Variants in ABCA13 observed in about 807,000 individuals in gnomAD.
The protein encoded by ABCA13 is ATP binding cassette subfamily A member 13.
A neutral mutation model predicts 478.7 loss-of-function variants in ABCA13; 476 were observed. The observed-to-expected ratio is 0.99, with a 90% CI of 0.92 to 1.07. The LOEUF is 1.07. Among genes scored for constraint, ABCA13 ranks in the 50% least tolerant of loss-of-function variants. The pLI is 0.00. For synonymous variants in ABCA13, 2,252 were observed against 2,158.9 expected, an observed-to-expected ratio of 1.04 and a Z score of -1.20; for missense variants, 6,060 against 5,910.6, an observed-to-expected ratio of 1.03 and a Z score of -0.83.
At chr7:48,228,840 C>T (rs1021384772) in intron 6 of ABCA13, among the ~76,000 whole-genome samples, 1 of 152,152 alleles carries the variant, frequency 6.6e-6, no homozygotes, top group African/African-American at 2.4e-5. Context: ...ACTGTGTTAG[C>T]AGTGAACAAC....
intron 39 of ABCA13, among the ~76,000 whole-genome samples, chr7:48,407,772 A>G (rs957236501): frequency 3.3e-5 from 5 of 151,718 alleles, no homozygotes; most frequent in Non-Finnish European, 7.4e-5. Context: ...TGGCCAGGCT[A>G]CTCTCTAACT....
chr7:48,299,895 T>C (rs894147591), intron 23 of ABCA13, among the ~76,000 whole-genome samples: 2 of 152,194 alleles, frequency 1.3e-5, no homozygotes, highest in African/African-American at 4.8e-5. Context: ...TTTCTCTACC[T>C]CTTTGTCAGT....
intron 59 of ABCA13, among the ~76,000 whole-genome samples, chr7:48,622,768 T>G (rs1189764838): frequency 6.6e-6 from 1 of 152,220 alleles, no homozygotes; most frequent in Admixed American, 6.5e-5. Flanking sequence ...GTAAGTGCTT[T>G]ATACACATGA....
At chr7:48,244,176 T>C (rs905532512) in intron 10 of ABCA13, among the ~76,000 whole-genome samples, 3 of 152,200 alleles carry the variant, frequency 2.0e-5, no homozygotes, top group African/African-American at 7.2e-5. Flanking sequence ...ACCACTGCGA[T>C]GGGTCCTGTA....
chr7:48,313,991 G>A (rs2885300), intron 25 of ABCA13, among the ~76,000 whole-genome samples: 20,296 of 151,716 alleles, frequency 0.13, 2,138 homozygotes, highest in African/African-American at 0.29. Context: ...GTATGTGTGT[G>A]TGTGTGTGTG....
At chr7:48,308,825 G>C (rs948158939) in intron 23 of ABCA13, among the ~76,000 whole-genome samples, 5 of 150,894 alleles carry the variant, frequency 3.3e-5, no homozygotes, top group African/African-American at 9.8e-5. Context: ...ACTTACCACT[G>C]TGTGACAACT....
chr7:48,560,220 G>A (rs79318096), intron 55 of ABCA13, among the ~76,000 whole-genome samples: 4,177 of 152,276 alleles, frequency 0.027, 77 homozygotes, highest in East Asian at 0.078. Flanking sequence ...CTCCCCTCCA[G>A]CTAGGGCTGG....
intron 38 of ABCA13, among the ~76,000 whole-genome samples, chr7:48,398,786 G>A (rs2129066794): frequency 6.6e-6 from 1 of 152,296 alleles, no homozygotes; most frequent in South Asian, 2.1e-4. Context: ...GAGGGCATAA[G>A]TGAAGGAAGA....
intron 38 of ABCA13, among the ~76,000 whole-genome samples, chr7:48,393,616 G>T (rs11773079): frequency 6.6e-6 from 1 of 152,148 alleles, no homozygotes; most frequent in African/African-American, 2.4e-5. Flanking sequence ...GTGTTGTTTT[G>T]TATGGTGTAA....
At chr7:48,510,462 C>T (rs1011822426) in intron 50 of ABCA13, among the ~76,000 whole-genome samples, 37 of 152,130 alleles carry the variant, frequency 2.4e-4, no homozygotes, top group African/African-American at 8.5e-4. Context: ...GGAGCCTGTC[C>T]TTGGTTCTAC....
At chr7:48,260,118 G>A (rs1192410224) in intron 15 of ABCA13, among the ~76,000 whole-genome samples, 1 of 151,960 alleles carries the variant, frequency 6.6e-6, no homozygotes, top group Non-Finnish European at 1.5e-5. Flanking sequence ...TGTCATTTCA[G>A]CCATTTCAGC....
Position 48,346,820 on chromosome 7 carries a change from T to A in ABCA13, c.10205-3823T>A, listed in dbSNP as rs1452608833. Among the ~76,000 whole-genome samples the A allele has an allele frequency of 3.3e-5, 5 of 152,204 alleles. No homozygotes were observed. The East Asian group carries it at 9.6e-4, about 29-fold the overall frequency. ...ATGTGAAACAAGATAAATAGTGCAA[T>A]TGCCATGGGAGCAAAGCCATGTCTT... On this transcript the variant is annotated intron_variant, in intron 29 of 61. Coordinates refer to ENST00000435803, the MANE Select transcript of ABCA13 (RefSeq NM_152701.5).
intron 24 of ABCA13, among the ~76,000 whole-genome samples, chr7:48,311,774 C>T (rs1019147304): frequency 6.6e-6 from 1 of 152,196 alleles, no homozygotes; most frequent in Non-Finnish European, 1.5e-5. Flanking sequence ...GTTAGGGCAG[C>T]CCGACCTCCA....
intron 15 of ABCA13, among the ~76,000 whole-genome samples, chr7:48,261,817 G>C (rs1346635817): frequency 6.6e-6 from 1 of 151,612 alleles, no homozygotes; most frequent in Non-Finnish European, 1.5e-5. Context: ...TCCCCAGTTT[G>C]TAATGATTCT....
At chr7:48,417,014 A>G (rs1206662180) in intron 41 of ABCA13, among the ~76,000 whole-genome samples, 1 of 151,174 alleles carries the variant, frequency 6.6e-6, no homozygotes, top group Non-Finnish European at 1.5e-5. Flanking sequence ...TCCCATAGTC[A>G]TGATGTTCAT....
intron 42 of ABCA13, among the ~76,000 whole-genome samples, chr7:48,442,078 G>C (rs73327761): frequency 0.023 from 3,438 of 152,268 alleles, 137 homozygotes; most frequent in African/African-American, 0.079. Flanking sequence ...GTGCCCATGG[G>C]GCCAGCTTTT....
chr7:48,623,965 G>A (rs1030354478), intron 59 of ABCA13, among the ~76,000 whole-genome samples: 2 of 151,998 alleles, frequency 1.3e-5, no homozygotes, highest in Non-Finnish European at 2.9e-5. Flanking sequence ...TGAGCTGAAC[G>A]GACTCTTGGG....
Position 48,645,997 on chromosome 7 carries a change from A to G in ABCA13, c.*485A>G, listed in dbSNP as rs1279560075. The G allele has an allele frequency of 6.5e-6, 1 of 154,338 alleles. No individual in the cohort carries two copies. Among genetic ancestry groups the G allele is most frequent in the African/African-American group, 2.4e-5 (1 of 41,476 alleles). The allele number at this position is 154,338 out of a possible 1,614,324, so 9.6% of individuals were successfully genotyped here. A position where few individuals can be genotyped will look rare whatever the true frequency, so the allele number is the denominator to read the frequency against. On this transcript the variant is annotated 3_prime_UTR_variant, in exon 62 of 62. Coordinates refer to ENST00000435803, the MANE Select transcript of ABCA13 (RefSeq NM_152701.5). ...TTGTTGTCATCTATTTACTAGATAC[A>G]TGTTTTTAATGATTTTAATGTAAGC...
intron 3 of ABCA13, among the ~76,000 whole-genome samples, chr7:48,219,129 C>T (rs1278181610): frequency 6.6e-6 from 1 of 152,072 alleles, no homozygotes; most frequent in Non-Finnish European, 1.5e-5. Flanking sequence ...TCAGATAATA[C>T]AGAGAATGAG....
Sources: gnomAD v4.1 joint callset for allele counts (sites outside exome capture counted in the v4.1 genomes callset) on GRCh38, gnomAD v4.1.1 for gene constraint, MANE v1.5 for transcripts, NCBI Gene and HGNC (gene_info 2026-07-23, HGNC 2026-07-21) for gene names.